Variants in RIMBP2 observed in about 807,000 individuals in gnomAD.
The protein encoded by RIMBP2 is RIMS binding protein 2, also known as RIMS-binding protein 2.
RIMBP2 carries 48 observed loss-of-function variants against 118.6 expected under a neutral mutation model. That is an observed-to-expected ratio of 0.40 (90% CI 0.32 to 0.51). The LOEUF (loss-of-function observed/expected upper bound fraction) is 0.51, where lower values mean the gene tolerates loss of function less well. Ranked by LOEUF, RIMBP2 falls within the 20% of genes least tolerant of loss-of-function variation. The pLI is 0.41. For missense variants in RIMBP2, 1,551 were observed against 1,768.3 expected (o/e 0.88, Z 2.20); for synonymous variants, 762 against 742.9 (o/e 1.03, Z -0.42).
chr12:130,482,342 T>C (rs1250020027), intron 4 of RIMBP2, among the ~76,000 whole-genome samples: 4 of 152,156 alleles, frequency 2.6e-5, no homozygotes, highest in African/African-American at 7.2e-5. Flanking sequence ...GCCAAGAAGC[T>C]GGGGACACAG....
chr12:130,634,028 G>A (rs754802082), intron 1 of RIMBP2, among the ~76,000 whole-genome samples: 42 of 152,328 alleles, frequency 2.8e-4, no homozygotes, highest in Middle Eastern at 3.4e-3. Flanking sequence ...AATGGGAGCC[G>A]TTGGCACACA....
chr12:130,539,091 A>C (rs2054331318), intron 2 of RIMBP2, among the ~76,000 whole-genome samples: 2 of 152,298 alleles, frequency 1.3e-5, no homozygotes, highest in South Asian at 4.1e-4. Flanking sequence ...TTTTAAATAA[A>C]GTTTTATTGG....
chr12:130,701,994 G>A (rs112117826), intron 1 of RIMBP2, among the ~76,000 whole-genome samples: 82 of 152,218 alleles, frequency 5.4e-4, no homozygotes, highest in African/African-American at 1.8e-3. Context: ...CGGCACGAAA[G>A]AGGCCCCCAT....
chr12:130,646,045 CTCCACCTCCCTCACCACCTG>C (rs2062867322), intron 1 of RIMBP2, among the ~76,000 whole-genome samples: 1 of 128,900 alleles, frequency 7.8e-6, no homozygotes, highest in African/African-American at 2.6e-5. Context: ...CCAGTTCCCT[CTCCACCTCCCTCACCACCTG>C]CCTCTCCACC....
At chr12:130,632,903 T>C (rs1358454911) in intron 1 of RIMBP2, among the ~76,000 whole-genome samples, 4 of 152,334 alleles carry the variant, frequency 2.6e-5, no homozygotes, top group African/African-American at 7.2e-5. Context: ...TACGTTTTAC[T>C]GCTGCCGTGG....
At chr12:130,692,281 C>T (rs2076925) in intron 1 of RIMBP2, among the ~76,000 whole-genome samples, 38,287 of 151,908 alleles carry the variant, frequency 0.25, 5,237 homozygotes, top group South Asian at 0.38. Flanking sequence ...GTGGTCAGGG[C>T]GGGTCTGCTG....
At chr12:130,645,311 T>C (rs180907703) in intron 1 of RIMBP2, among the ~76,000 whole-genome samples, 2 of 152,272 alleles carry the variant, frequency 1.3e-5, no homozygotes, top group Admixed American at 6.5e-5. Flanking sequence ...GGCTGCTCTC[T>C]ACAAATCACA....
chr12:130,604,076 G>A (rs750970050), intron 2 of RIMBP2, among the ~76,000 whole-genome samples: 4 of 152,134 alleles, frequency 2.6e-5, no homozygotes, highest in East Asian at 1.9e-4. Context: ...GGTGCAAGAC[G>A]GTGATGTGAT....
At chr12:130,541,893 G>C (rs1011714129) in intron 2 of RIMBP2, among the ~76,000 whole-genome samples, 2 of 152,224 alleles carry the variant, frequency 1.3e-5, no homozygotes, top group Admixed American at 6.5e-5. Context: ...AAACTAAGCA[G>C]AGGTTCTCTT....
At chr12:130,709,682 G>A (rs982899431) in intron 1 of RIMBP2, among the ~76,000 whole-genome samples, 5 of 152,108 alleles carry the variant, frequency 3.3e-5, no homozygotes, top group Non-Finnish European at 5.9e-5. Context: ...TCCTGCTCTT[G>A]GAAACCACGT....
At chr12:130,681,714 GA>G (rs1233269662) in intron 1 of RIMBP2, among the ~76,000 whole-genome samples, 1 of 151,320 alleles carries the variant, frequency 6.6e-6, no homozygotes, top group Non-Finnish European at 1.5e-5. Context: ...TTCTTTTTTT[GA>G]GATGAGTCTC....
At chr12:130,506,554 T>C in intron 4 of RIMBP2, 94 bp downstream of exon 4, 4 of 902,978 alleles carry the variant, frequency 4.4e-6, no homozygotes, top group Non-Finnish European at 5.3e-6. Context: ...AAAGGAGCTT[T>C]ACATACCTTC....
At chr12:130,692,518 C>T (rs1037466195) in intron 1 of RIMBP2, among the ~76,000 whole-genome samples, 1 of 152,050 alleles carries the variant, frequency 6.6e-6, no homozygotes, top group East Asian at 1.9e-4. Flanking sequence ...GAGACCCTCA[C>T]GGTCTCCCTC....
At position 130,647,983 on chromosome 12, in the gene RIMBP2, G is replaced by A. The variant is rs537850896; in HGVS notation, c.-351-19527C>T. 5.5e-5 allele frequency among the ~76,000 whole-genome samples: 8 copies of A among 146,406 alleles called. 1 individual carries two copies. The highest frequency in any genetic ancestry group is 1.7e-4 in the African/African-American group (7 of 40,938). ...AGTGGGTGAGTTGGACCCCAGCTCC[G>A]TTGGATAACACATGCACACACGTGT... On this transcript the variant is annotated intron_variant, in intron 1 of 22. Coordinates refer to ENST00000690449, the MANE Select transcript of RIMBP2 (RefSeq NM_001393629.1).
At chr12:130,614,032 T>C (rs564060601) in intron 2 of RIMBP2, among the ~76,000 whole-genome samples, 1 of 152,294 alleles carries the variant, frequency 6.6e-6, no homozygotes, top group African/African-American at 2.4e-5. Flanking sequence ...CAGCCCCGTC[T>C]CTGCAGGGCA....
At position 130,703,644 on chromosome 12, in the gene RIMBP2, G is replaced by A. The variant is rs1046343424; in HGVS notation, c.-352+12578C>T. Among the ~76,000 whole-genome samples, 3 of 152,192 alleles carry A rather than the reference G, an allele frequency of 2.0e-5. No homozygotes were observed. Among genetic ancestry groups the A allele is most frequent in the African/African-American group, 7.2e-5 (3 of 41,450 alleles). On this transcript the variant is annotated intron_variant, in intron 1 of 22. Transcript: ENST00000690449. The surrounding 1 kb of genome is among the most constrained non-coding windows in gnomAD (Gnocchi z 5.7). ...TGACTAGGGGCCACCGCCTAACCCT[G>A]ATTAGCGCTCTACATCACCCACCGC...
chr12:130,630,181 G>T (rs2061908683), intron 1 of RIMBP2, among the ~76,000 whole-genome samples: 2 of 151,758 alleles, frequency 1.3e-5, no homozygotes. Context: ...GATAAAAAGA[G>T]ACTATCAATC....
chr12:130,524,960 C>T (rs910371201), intron 2 of RIMBP2, among the ~76,000 whole-genome samples: 2 of 152,140 alleles, frequency 1.3e-5, no homozygotes, highest in Non-Finnish European at 2.9e-5. Context: ...GAGTGTGAGA[C>T]CCCACGTGAG....
At chr12:130,544,933 C>T (rs1261501033) in intron 2 of RIMBP2, among the ~76,000 whole-genome samples, 1 of 152,144 alleles carries the variant, frequency 6.6e-6, no homozygotes, top group East Asian at 1.9e-4. Flanking sequence ...AACTGTAGCA[C>T]AGTGCATCAG....
Sources: allele counts gnomAD v4.1 joint callset (sites outside exome capture counted in the v4.1 genomes callset), GRCh38; gene constraint gnomAD v4.1.1; non-coding constraint Gnocchi (gnomAD v3.1); transcripts MANE v1.5; gene names NCBI Gene and HGNC (gene_info 2026-07-23, HGNC 2026-07-21).